The following STK3 variants were observed in gnomAD, a reference collection of about 807,000 sequenced individuals.
STK3 encodes serine/threonine kinase 3, also known as serine/threonine-protein kinase 3.
A neutral mutation model predicts 58.0 loss-of-function variants in STK3; 41 were observed. The observed-to-expected ratio is 0.71, with a 90% confidence interval of 0.55 to 0.92. The LOEUF is 0.92. STK3 is among the 40% of genes least tolerant of loss of function. STK3 has a pLI of 0.00. For missense variants in STK3, 479 were observed against 602.7 expected (o/e 0.79, Z 2.15); for synonymous variants, 170 against 191.0 (o/e 0.89, Z 0.91).
intron 6 of STK3, among the ~76,000 whole-genome samples, chr8:98,655,531 C>T (rs1283576305): frequency 6.6e-6 from 1 of 151,886 alleles, no homozygotes; most frequent in African/African-American, 2.4e-5. Context: ...AAGAAACTAC[C>T]ATCAGAGTGA....
intron 10 of STK3, among the ~76,000 whole-genome samples, chr8:98,496,446 AC>A (rs1271744028): frequency 6.6e-6 from 1 of 152,220 alleles, no homozygotes; most frequent in Non-Finnish European, 1.5e-5. Flanking sequence ...AATAAATTTA[AC>A]AAAAGAAATA....
chr8:98,722,129 A>G (rs922101098), intron 4 of STK3, among the ~76,000 whole-genome samples: 3 of 152,212 alleles, frequency 2.0e-5, no homozygotes, highest in Non-Finnish European at 4.4e-5. Context: ...CAGAGAAAGG[A>G]AAGACTACTA....
intron 10 of STK3, among the ~76,000 whole-genome samples, chr8:98,513,592 TTATC>T (rs1222628663): frequency 6.6e-6 from 1 of 152,188 alleles, no homozygotes; most frequent in East Asian, 1.9e-4. Context: ...TGTCTACTTC[TTATC>T]TAGAGATTTC....
In STK3 at chr8:98,428,322, A is replaced by G; in HGVS notation, n.483+5805T>C. 1 of 1,614,102 alleles carries G rather than the reference A, an allele frequency of 6.2e-7. No homozygotes were observed. The highest frequency in any genetic ancestry group is 8.5e-7 in the Non-Finnish European group (1 of 1,180,016). ...GTACTGGGGCATCAACGAGTTCTTC[A>G]TTGACTCCTGCTGCAGCTACAGCTA... On this transcript the variant is annotated intron_variant and non_coding_transcript_variant, in intron 3 of 3. Transcript: ENST00000517832. This position sits in a 1 kb window ranked among gnomAD's most constrained non-coding sequence, Gnocchi z 6.7.
chr8:98,856,528 G>T (rs974857156), intron 3 of STK3, among the ~76,000 whole-genome samples: 4 of 152,128 alleles, frequency 2.6e-5, no homozygotes, highest in African/African-American at 9.7e-5. Flanking sequence ...CAGTAGGATG[G>T]CTAGAATAAA....
At chr8:98,564,486 G>C (rs1586873697) in intron 8 of STK3, among the ~76,000 whole-genome samples, 1 of 152,100 alleles carries the variant, frequency 6.6e-6, no homozygotes, top group Non-Finnish European at 1.5e-5. Flanking sequence ...GGCTTGTAGA[G>C]GCTAGGGGTG....
At chr8:98,629,865 C>A (rs1480612838) in intron 6 of STK3, among the ~76,000 whole-genome samples, 1 of 152,134 alleles carries the variant, frequency 6.6e-6, no homozygotes, top group Non-Finnish European at 1.5e-5. Context: ...AACTACCTCC[C>A]ATCCATCCCC....
At chr8:98,900,901 A>C (rs1235234426) in intron 1 of STK3, among the ~76,000 whole-genome samples, 1 of 152,094 alleles carries the variant, frequency 6.6e-6, no homozygotes, top group Non-Finnish European at 1.5e-5. Flanking sequence ...GCCTCAAGTG[A>C]TCCGCCTGCC....
In STK3 at chr8:98,914,492, A is replaced by ACACT. The variant is rs1554701657; in HGVS notation, c.-79+27885_-79+27886insAGTG. On this transcript the variant is annotated intron_variant, in intron 1 of 1. Coordinates refer to the STK3 transcript ENST00000519420. ...CACACACACACACACACACACACACACTCTCTCTCTCTCTCTCTTCACTCT... is the reference window on the plus strand; with the variant it reads ...CACACACACACACACACACACACACACACTCTCTCTCTCTCTCTCTCTTCACTCT... 8.5e-3 allele frequency among the ~76,000 whole-genome samples: 1,158 copies of ACACT among 136,338 alleles called. 2 individuals are homozygous for ACACT. The highest frequency in any genetic ancestry group is 0.026 in the Middle Eastern group (7 of 270). The allele number at this position is 136,338 out of a possible 152,430, so 89.4% of individuals were successfully genotyped here. A position where few individuals can be genotyped will look rare whatever the true frequency, so the allele number is the denominator to read the frequency against.
intron 1 of STK3, among the ~76,000 whole-genome samples, chr8:98,920,936 C>T (rs1323748817): frequency 6.6e-6 from 1 of 152,230 alleles, no homozygotes; most frequent in Admixed American, 6.5e-5. Context: ...ATTGTAATAC[C>T]TCTGTTTGAA....
chr8:98,379,294 T>C (rs1817707340), intron 1 of STK3: 1 of 152,256 alleles, frequency 6.6e-6, no homozygotes, highest in Admixed American at 6.5e-5. Context: ...TCTGTTTGCT[T>C]AAGTGCCCTA....
chr8:98,825,486 C>G (rs1564038666), intron 1 of STK3, 29 bp downstream of exon 1: 1 of 1,451,096 alleles, frequency 6.9e-7, no homozygotes, highest in Non-Finnish European at 9.1e-7. Flanking sequence ...CGCCGCTTCC[C>G]TCCTTCTTCC....
At chr8:98,475,260 G>A (rs920700733) in intron 10 of STK3, among the ~76,000 whole-genome samples, 2 of 152,112 alleles carry the variant, frequency 1.3e-5, no homozygotes, top group Non-Finnish European at 2.9e-5. Flanking sequence ...TGGACTCTCA[G>A]GTTCATGCAC....
chr8:98,774,838 A>C lies in STK3; in HGVS notation c.27-19T>G. ...TAGTTTACTGATTTAAAAAAGAAAG[A>C]AGAAAGAAAATATTTTCTTTAAAGA... On this transcript the variant is annotated intron_variant, in intron 1 of 10. Coordinates refer to ENST00000419617, the MANE Select transcript of STK3 (RefSeq NM_006281.4). 6.6e-7 allele frequency: 1 copy of C among 1,514,820 alleles called. No homozygotes were observed. The highest frequency in any genetic ancestry group is 1.4e-5 in the South Asian group (1 of 73,260). 93.8% of individuals were successfully genotyped at this position (1,514,820 alleles called of 1,614,324 possible). A position where few individuals can be genotyped will look rare whatever the true frequency, so the allele number is the denominator to read the frequency against.
intron 1 of STK3, among the ~76,000 whole-genome samples, chr8:98,924,167 G>A (rs1198989691): frequency 5.3e-5 from 8 of 152,144 alleles, no homozygotes; most frequent in East Asian, 3.9e-4. Flanking sequence ...GCTGTTCCCC[G>A]TCCTTGGCAG....
intron 9 of STK3, among the ~76,000 whole-genome samples, chr8:98,545,751 C>A (rs1374310161): frequency 2.0e-5 from 3 of 152,110 alleles, no homozygotes; most frequent in Non-Finnish European, 2.9e-5. Flanking sequence ...CTGCTATCAT[C>A]TTATTAGGGA....
intron 3 of STK3, among the ~76,000 whole-genome samples, chr8:98,422,863 AG>A (rs1310355554): frequency 1.3e-5 from 2 of 152,228 alleles, no homozygotes. Context: ...GGAATCATTT[AG>A]GAGCTTAAGA....
chr8:98,510,420 T>C (rs1350931685), intron 10 of STK3, among the ~76,000 whole-genome samples: 3 of 151,778 alleles, frequency 2.0e-5, no homozygotes, highest in African/African-American at 7.3e-5. Context: ...CCCTCACCCA[T>C]ATATTTGCCT....
At chr8:98,923,848 TGTGTGTGCGCGCGCGC>T (rs1474520886) in intron 1 of STK3, among the ~76,000 whole-genome samples, 136 of 120,172 alleles carry the variant, frequency 1.1e-3, no homozygotes, top group African/African-American at 4.0e-3. Flanking sequence ...TGTGTGTGTG[TGTGTGTGCGCGCGCGC>T]GCGCGCGCGC....
Sources: allele counts gnomAD v4.1 joint callset (sites outside exome capture counted in the v4.1 genomes callset), GRCh38; gene constraint gnomAD v4.1.1; non-coding constraint Gnocchi (gnomAD v3.1); transcripts MANE v1.5; gene names NCBI Gene and HGNC (gene_info 2026-07-23, HGNC 2026-07-21).